AP3B1: variants seen among roughly 807,000 people sequenced by gnomAD.
The protein encoded by AP3B1 is AP-3 complex subunit beta-1.
AP3B1 carries 61 observed loss-of-function variants against 132.5 expected under a neutral mutation model. The observed-to-expected ratio is 0.46, with a 90% CI of 0.37 to 0.57. AP3B1 has a LOEUF of 0.57. AP3B1 is among the 20% of genes least tolerant of loss of function. The pLI is 0.00. For synonymous variants in AP3B1, 388 were observed against 438.3 expected (o/e 0.89, Z 1.43); for missense variants, 1,120 against 1,289.4 (o/e 0.87, Z 2.01).
chr5:78,127,953 A>G (rs900740596), intron 17 of AP3B1, 77 bp downstream of exon 17: 1 of 1,547,826 alleles, frequency 6.5e-7, no homozygotes. Flanking sequence ...TCTCCAAAAA[A>G]GCTTTTATAT....
chr5:78,193,126 G>A (rs896924996), intron 7 of AP3B1, among the ~76,000 whole-genome samples: 2 of 152,108 alleles, frequency 1.3e-5, no homozygotes, highest in South Asian at 2.1e-4. Flanking sequence ...GACTTTCAGT[G>A]ACCACTTACA....
intron 22 of AP3B1, among the ~76,000 whole-genome samples, chr5:78,059,078 G>C (rs1395675122): frequency 3.9e-5 from 6 of 152,230 alleles, no homozygotes; most frequent in Admixed American, 1.3e-4. Context: ...AGTTGACTTT[G>C]AGATTGGAGG....
At chr5:78,288,370 G>T (rs1197869849) in intron 1 of AP3B1, among the ~76,000 whole-genome samples, 1 of 152,204 alleles carries the variant, frequency 6.6e-6, no homozygotes, top group Non-Finnish European at 1.5e-5. Flanking sequence ...ACAGAGGAAT[G>T]AACCATACAT....
intron 19 of AP3B1, among the ~76,000 whole-genome samples, chr5:78,111,917 G>C (rs1035990679): frequency 3.3e-5 from 5 of 152,232 alleles, no homozygotes; most frequent in Middle Eastern, 6.8e-3. Flanking sequence ...CACATAACAA[G>C]AGGGGCAGAA....
At chr5:78,287,993 A>T (rs1287754328) in intron 1 of AP3B1, among the ~76,000 whole-genome samples, 1 of 152,184 alleles carries the variant, frequency 6.6e-6, no homozygotes, top group Non-Finnish European at 1.5e-5. Context: ...CATAGCAGCA[A>T]CCCTGAACTC....
chr5:78,240,838 A>T, intron 3 of AP3B1, 24 bp downstream of exon 3: 1 of 1,546,580 alleles, frequency 6.5e-7, no homozygotes, highest in Non-Finnish European at 8.9e-7. Context: ...AAGGAATCAT[A>T]AAAATTATAG....
chr5:78,225,530 G>T lies in AP3B1; in HGVS notation c.603+12C>A. 1 of 1,445,626 alleles carries T rather than the reference G, an allele frequency of 6.9e-7. No homozygotes were observed. The highest frequency in any genetic ancestry group is 9.7e-7 in the Non-Finnish European group (1 of 1,030,678). The allele number at this position is 1,445,626 out of a possible 1,614,324, so 89.5% of individuals were successfully genotyped here. A position where few individuals can be genotyped will look rare whatever the true frequency, so the allele number is the denominator to read the frequency against. On this transcript the variant is annotated intron_variant, in intron 6 of 26. Coordinates refer to ENST00000255194, the MANE Select transcript of AP3B1 (RefSeq NM_003664.5). Reference sequence around the variant, plus strand: ...CATTTTTATGTCAAAGACGTAAAAAGACATTACTTACTGTGCTTTTATCTT... The same window carrying T: ...CATTTTTATGTCAAAGACGTAAAAATACATTACTTACTGTGCTTTTATCTT...
At chr5:78,128,485 C>T (rs1051985018) in intron 16 of AP3B1, among the ~76,000 whole-genome samples, 11 of 152,112 alleles carry the variant, frequency 7.2e-5, no homozygotes, top group Non-Finnish European at 1.6e-4. Flanking sequence ...GGCACAAACA[C>T]ATCCAGAATT....
chr5:78,061,014 T>C (rs1014889053), intron 22 of AP3B1, among the ~76,000 whole-genome samples: 1 of 152,120 alleles, frequency 6.6e-6, no homozygotes, highest in Admixed American at 6.5e-5. Flanking sequence ...CCTCTTGACA[T>C]ATAGTGGCAC....
intron 17 of AP3B1, among the ~76,000 whole-genome samples, chr5:78,116,696 A>G (rs955804143): frequency 1.3e-5 from 2 of 152,098 alleles, no homozygotes; most frequent in African/African-American, 4.8e-5. Flanking sequence ...ATCCTGGAGT[A>G]ATCCTTGACT....
In AP3B1 at chr5:78,218,419, A is replaced by G. The variant is rs76268537; in HGVS notation, c.604-2182T>C. Among the ~76,000 whole-genome samples the G allele has an allele frequency of 1.2e-3, 184 of 152,246 alleles. 3 individuals are homozygous for G. In the East Asian group the frequency reaches 0.023, roughly 19 times the overall value. Reference sequence around the variant, plus strand: ...CAAATTCAAATGCAGTTTTCCATTTATGTATTTTTTATATTAAAGCAATAA... The same window carrying G: ...CAAATTCAAATGCAGTTTTCCATTTGTGTATTTTTTATATTAAAGCAATAA... On this transcript the variant is annotated intron_variant, in intron 6 of 26. Transcript: ENST00000255194.
intron 11 of AP3B1, among the ~76,000 whole-genome samples, chr5:78,169,740 TATTTA>T (rs1274098991): frequency 2.0e-5 from 3 of 150,938 alleles, no homozygotes; most frequent in African/African-American, 7.3e-5. Flanking sequence ...GAAGTTTATT[TATTTA>T]TTTATTTATT....
At chr5:78,255,546 AC>A (rs1393934413) in intron 2 of AP3B1, among the ~76,000 whole-genome samples, 3 of 152,270 alleles carry the variant, frequency 2.0e-5, no homozygotes, top group East Asian at 3.9e-4. Flanking sequence ...AGAGGATATA[AC>A]AATTTTAAAT....
intron 22 of AP3B1, among the ~76,000 whole-genome samples, chr5:78,059,670 T>A (rs776283903): frequency 2.0e-5 from 3 of 152,048 alleles, no homozygotes; most frequent in Non-Finnish European, 4.4e-5. Context: ...AAAACTCCCC[T>A]CCCCTAACAC....
At chr5:78,117,026 C>T (rs1047833334) in intron 17 of AP3B1, among the ~76,000 whole-genome samples, 2 of 152,092 alleles carry the variant, frequency 1.3e-5, no homozygotes, top group Non-Finnish European at 2.9e-5. Context: ...CTGTCCCCGT[C>T]GCCTGCCTCT....
rs1750523364 is a variant in AP3B1 at position 78,091,673 on chromosome 5, T to C, written c.2471-2174A>G. Among the ~76,000 whole-genome samples the C allele has an allele frequency of 2.6e-5, 4 of 152,144 alleles. No individual in the cohort carries two copies. In the South Asian group the frequency reaches 8.3e-4, roughly 32 times the overall value. The stretch of plus-strand genomic sequence containing the variant: ...AGTTAATTGTTGGATAACAGAATGC[T>C]ATAAACAAAGGCTGAGAGGTAGGAA... On this transcript the variant is annotated intron_variant, in intron 21 of 26. Transcript: ENST00000255194.
At chr5:78,237,468 C>CA (rs1746927079) in intron 3 of AP3B1, among the ~76,000 whole-genome samples, 2 of 151,598 alleles carry the variant, frequency 1.3e-5, no homozygotes, top group Non-Finnish European at 2.9e-5. Context: ...CAGTTCCCCC[C>CA]CAAAAAAAGC....
At chr5:78,195,677 G>T (rs569211446) in intron 7 of AP3B1, among the ~76,000 whole-genome samples, 4 of 152,038 alleles carry the variant, frequency 2.6e-5, no homozygotes, top group Admixed American at 6.6e-5. Flanking sequence ...AAAATTAGCT[G>T]GGTGTGGTGA....
chr5:78,285,439 C>A (rs1387855565), intron 1 of AP3B1, among the ~76,000 whole-genome samples: 1 of 152,120 alleles, frequency 6.6e-6, no homozygotes, highest in Non-Finnish European at 1.5e-5. Context: ...GACACAATTA[C>A]TCCAGGAATG....
Sources: gnomAD v4.1 joint callset for allele counts (sites outside exome capture counted in the v4.1 genomes callset) on GRCh38, gnomAD v4.1.1 for gene constraint, MANE v1.5 for transcripts, NCBI Gene and HGNC (gene_info 2026-07-23, HGNC 2026-07-21) for gene names.